DOCK1: variants seen among roughly 807,000 people sequenced by gnomAD.
DOCK1 encodes dedicator of cytokinesis protein 1.
In DOCK1, 138 loss-of-function variants were observed where a neutral mutation model predicts 262.7. The ratio of observed to expected loss-of-function variants is 0.53; its 90% CI spans 0.46 to 0.61. The LOEUF (loss-of-function observed/expected upper bound fraction) is 0.61. DOCK1 is among the 20% of genes least tolerant of loss of function. The pLI is 0.00. For synonymous variants in DOCK1, 866 were observed against 867.4 expected (o/e 1.00, Z 0.03); for missense variants, 1,908 against 2,370.7 (o/e 0.80, Z 4.05).
At chr10:127,431,312 T>A (rs368274646) in intron 47 of DOCK1, among the ~76,000 whole-genome samples, 1 of 152,296 alleles carries the variant, frequency 6.6e-6, no homozygotes, top group South Asian at 2.1e-4. Flanking sequence ...CAAGAAGGAA[T>A]TATGCGGCAG....
At chr10:127,113,989 T>A (rs2049022134) in intron 25 of DOCK1, among the ~76,000 whole-genome samples, 1 of 152,176 alleles carries the variant, frequency 6.6e-6, no homozygotes, top group Admixed American at 6.5e-5. Flanking sequence ...CGTGGTGCAG[T>A]CATTTGGCAT....
chr10:127,362,649 C>T (rs1253011483), intron 33 of DOCK1, among the ~76,000 whole-genome samples: 1 of 152,110 alleles, frequency 6.6e-6, no homozygotes, highest in Non-Finnish European at 1.5e-5. Context: ...TTTGCCTGTG[C>T]AATGGAACTG....
At chr10:127,352,381 T>C (rs1200741106) in intron 31 of DOCK1, among the ~76,000 whole-genome samples, 1 of 151,780 alleles carries the variant, frequency 6.6e-6, no homozygotes, top group Non-Finnish European at 1.5e-5. Flanking sequence ...ATCCAGATTG[T>C]GGTGCCAGCT....
chr10:126,969,396 G>A (rs1174617216), intron 1 of DOCK1, among the ~76,000 whole-genome samples: 3 of 152,326 alleles, frequency 2.0e-5, no homozygotes, highest in African/African-American at 7.2e-5. Flanking sequence ...GGCAGCTCAG[G>A]TTTATGGAGG....
At chr10:127,036,043 T>TAAATAAATAAAA (rs1554870785) in intron 18 of DOCK1, among the ~76,000 whole-genome samples, 4,055 of 147,164 alleles carry the variant, frequency 0.028, 146 homozygotes, top group African/African-American at 0.078. Context: ...AATAAATAAA[T>TAAATAAATAAAA]AAAAAAGAGT....
rs1317134032 is a variant in DOCK1 at position 126,923,611 on chromosome 10, A to G, written c.46+18048A>G. On this transcript the variant is annotated intron_variant, in intron 1 of 51. Coordinates refer to ENST00000623213, the MANE Select transcript of DOCK1 (RefSeq NM_001290223.2). ...TGCACTCCAGCCTGGGTGACAGAGC[A>G]AGACTCTGTTTCAAAACAACAACAA... is the stretch of plus-strand genomic sequence containing the variant. Among the ~76,000 whole-genome samples the G allele has an allele frequency of 2.6e-5, 4 of 152,188 alleles. No homozygotes were observed. In the East Asian group the frequency reaches 7.7e-4, roughly 29 times the overall value.
intron 27 of DOCK1, among the ~76,000 whole-genome samples, chr10:127,172,003 C>T (rs76954197): frequency 0.15 from 22,072 of 152,198 alleles, 1,900 homozygotes; most frequent in African/African-American, 0.23. Context: ...CCGTGCCCGG[C>T]CTCCACTGAT....
chr10:127,261,612 C>T (rs1355073384), intron 29 of DOCK1, among the ~76,000 whole-genome samples: 3 of 69,298 alleles, frequency 4.3e-5, no homozygotes, highest in Non-Finnish European at 8.0e-5. Flanking sequence ...TGCATGTACC[C>T]GTGCTCATCT....
At position 127,424,382 on chromosome 10, in the gene DOCK1, A is replaced by G. The variant is rs562881633; in HGVS notation, c.4777-1492A>G. The stretch of plus-strand genomic sequence containing the variant: ...AAAGAATCTGACCATTAAGAGTTTT[A>G]TCACACCACCATCAACACCAACAAC... On this transcript the variant is annotated intron_variant, in intron 46 of 51. Coordinates refer to ENST00000623213, the MANE Select transcript of DOCK1 (RefSeq NM_001290223.2). 4.6e-5 allele frequency among the ~76,000 whole-genome samples: 7 copies of G among 152,332 alleles called. No individual in the cohort carries two copies. The South Asian group carries it at 1.2e-3, about 27-fold the overall frequency.
At chr10:127,417,573 C>T (rs2068235497) in intron 44 of DOCK1, among the ~76,000 whole-genome samples, 1 of 152,094 alleles carries the variant, frequency 6.6e-6, no homozygotes, top group Non-Finnish European at 1.5e-5. Flanking sequence ...GCCATGAGCT[C>T]TCTTTGTTGT....
intron 8 of DOCK1, 104 bp from the exon 9 acceptor site, chr10:126,999,250 T>C (rs555700575): frequency 3.7e-6 from 3 of 801,316 alleles, no homozygotes; most frequent in Non-Finnish European, 6.2e-6. Context: ...AATAGTTGTC[T>C]GTATAGTGCA....
At chr10:127,055,145 T>G (rs1006752253) in intron 22 of DOCK1, among the ~76,000 whole-genome samples, 1 of 152,216 alleles carries the variant, frequency 6.6e-6, no homozygotes, top group Non-Finnish European at 1.5e-5. Flanking sequence ...TTTATGTGAC[T>G]TAACCATATG....
chr10:127,042,961 T>A, intron 20 of DOCK1, 103 bp from the exon 21 acceptor site: 1 of 970,486 alleles, frequency 1.0e-6, no homozygotes, highest in East Asian at 2.6e-5. Flanking sequence ...TCTGAAAATG[T>A]TATGGTTCAT....
intron 27 of DOCK1, chr10:127,136,984 A>G (rs1467421979): frequency 6.6e-6 from 1 of 152,626 alleles, no homozygotes; most frequent in Non-Finnish European, 1.5e-5. Context: ...TCCATCGTGT[A>G]TCTCTATGTA....
chr10:127,223,486 C>T (rs1016055726), intron 27 of DOCK1, among the ~76,000 whole-genome samples: 1 of 152,074 alleles, frequency 6.6e-6, no homozygotes, highest in Admixed American at 6.5e-5. Flanking sequence ...TCCAAAACCC[C>T]AAAATTTTTG....
intron 7 of DOCK1, among the ~76,000 whole-genome samples, chr10:126,997,114 C>G (rs1462093455): frequency 6.6e-6 from 1 of 152,050 alleles, no homozygotes; most frequent in Non-Finnish European, 1.5e-5. Context: ...AGACAGGATC[C>G]TAATGATGTT....
At chr10:127,077,376 CAG>C (rs1271738835) in intron 23 of DOCK1, among the ~76,000 whole-genome samples, 1 of 152,140 alleles carries the variant, frequency 6.6e-6, no homozygotes, top group Non-Finnish European at 1.5e-5. Context: ...GCCTAGGTGA[CAG>C]AGCGAGACTG....
At chr10:127,314,506 T>C (rs557229256) in intron 29 of DOCK1, among the ~76,000 whole-genome samples, 2 of 152,334 alleles carry the variant, frequency 1.3e-5, no homozygotes, top group South Asian at 4.1e-4. Flanking sequence ...CTGTGAGTTA[T>C]TTTGAATGCC....
At chr10:126,976,653 A>G (rs2134758111) in intron 2 of DOCK1, among the ~76,000 whole-genome samples, 1 of 152,054 alleles carries the variant, frequency 6.6e-6, no homozygotes, top group Admixed American at 6.6e-5. Flanking sequence ...CTGGGAATTT[A>G]CCCAGCTCAC....
Sources: allele counts gnomAD v4.1 joint callset (sites outside exome capture counted in the v4.1 genomes callset), GRCh38; gene constraint gnomAD v4.1.1; transcripts MANE v1.5; gene names NCBI Gene and HGNC (gene_info 2026-07-23, HGNC 2026-07-21).